CALCR: variants seen among roughly 807,000 people sequenced by gnomAD.
CALCR encodes the protein calcitonin receptor.
CALCR carries 47 observed loss-of-function variants against 59.5 expected under a neutral mutation model. That is an observed-to-expected ratio of 0.79 (90% confidence interval 0.63 to 1.01). CALCR has a LOEUF of 1.01. CALCR is among the 50% of genes least tolerant of loss of function. The probability of loss-of-function intolerance (pLI) is 0.00; values close to 1 mark genes in which losing one functional copy is unlikely to be tolerated. For synonymous variants in CALCR, 213 were observed against 211.3 expected (o/e 1.01, Z -0.07); for missense variants, 566 against 597.1 (o/e 0.95, Z 0.54).
chr7:93,445,502 T>C (rs185990841), intron 8 of CALCR, among the ~76,000 whole-genome samples: 8 of 152,062 alleles, frequency 5.3e-5, no homozygotes, highest in Non-Finnish European at 8.8e-5. Context: ...TCCAGTTTTA[T>C]ATACAGTTAA....
At chr7:93,454,916 TTGTGTGTGTGTGTGTGTG>T (rs4015273) in intron 8 of CALCR, among the ~76,000 whole-genome samples, 1 of 144,916 alleles carries the variant, frequency 6.9e-6, no homozygotes, top group Non-Finnish European at 1.5e-5. Flanking sequence ...ACAGGGCATT[TTGTGTGTGTGTGTGTGTG>T]TGTGTGTGTG....
intron 2 of CALCR, among the ~76,000 whole-genome samples, chr7:93,530,212 A>C (rs989264465): frequency 4.6e-5 from 7 of 152,298 alleles, no homozygotes; most frequent in African/African-American, 1.7e-4. Flanking sequence ...ATCATCACAG[A>C]AAGTCAGTGT....
At chr7:93,573,576 T>C (rs1790052097) in intron 2 of CALCR, among the ~76,000 whole-genome samples, 1 of 152,200 alleles carries the variant, frequency 6.6e-6, no homozygotes, top group Non-Finnish European at 1.5e-5. Flanking sequence ...ATAAAGTCTG[T>C]ATGATAGTTT....
chr7:93,531,648 A>G (rs893214662), intron 2 of CALCR, among the ~76,000 whole-genome samples: 1 of 152,128 alleles, frequency 6.6e-6, no homozygotes, highest in Admixed American at 6.6e-5. Flanking sequence ...TTATATTTAC[A>G]TTCTCTAACC....
chr7:93,427,320 C>G (rs1393032953), intron 13 of CALCR, among the ~76,000 whole-genome samples: 2 of 152,210 alleles, frequency 1.3e-5, no homozygotes, highest in Non-Finnish European at 2.9e-5. Context: ...TTGTCTAGCT[C>G]TGCTTTTTAT....
chr7:93,453,778 G>A (rs940774222), intron 8 of CALCR, among the ~76,000 whole-genome samples: 1 of 151,690 alleles, frequency 6.6e-6, no homozygotes, highest in Non-Finnish European at 1.5e-5. Flanking sequence ...ATCCACTTTA[G>A]GAAGAGATTC....
chr7:93,523,195 AT>A (rs1285861428), intron 2 of CALCR, among the ~76,000 whole-genome samples: 4 of 152,044 alleles, frequency 2.6e-5, no homozygotes, highest in African/African-American at 9.7e-5. Context: ...ATTGCTTTGA[AT>A]TTTCTCTCCA....
chr7:93,574,037 A>C (rs1288002661), intron 2 of CALCR, among the ~76,000 whole-genome samples: 3 of 152,258 alleles, frequency 2.0e-5, no homozygotes, highest in Non-Finnish European at 2.9e-5. Flanking sequence ...AAAAGTCACA[A>C]GAAATCAAAC....
intron 13 of CALCR, among the ~76,000 whole-genome samples, chr7:93,430,567 C>T (rs2283002): frequency 0.23 from 34,661 of 152,072 alleles, 4,215 homozygotes; most frequent in East Asian, 0.39. Flanking sequence ...TGAAAACATT[C>T]AGCCATTGTA....
chr7:93,442,936 T>C (rs1799939153), intron 9 of CALCR, among the ~76,000 whole-genome samples: 1 of 152,156 alleles, frequency 6.6e-6, no homozygotes, highest in South Asian at 2.1e-4. Context: ...GGAGCTGGAC[T>C]TTCAGCAGCC....
chr7:93,571,425 C>G (rs996380359), intron 2 of CALCR, among the ~76,000 whole-genome samples: 11 of 151,784 alleles, frequency 7.2e-5, no homozygotes, highest in Non-Finnish European at 2.9e-5. Flanking sequence ...ATAGAACTTA[C>G]CATGTACCAG....
intron 3 of CALCR, among the ~76,000 whole-genome samples, chr7:93,483,359 A>T (rs1216007209): frequency 1.3e-5 from 2 of 151,422 alleles, no homozygotes; most frequent in African/African-American, 4.8e-5. Context: ...TCTATCCAAG[A>T]TTGGTTCAAT....
chr7:93,484,099 C>T, intron 3 of CALCR: 1 of 433,682 alleles, frequency 2.3e-6, no homozygotes, highest in South Asian at 1.7e-5. Flanking sequence ...ACATGTCAGG[C>T]ACTCTTCTAG....
intron 2 of CALCR, among the ~76,000 whole-genome samples, chr7:93,525,109 A>T (rs1424672743): frequency 6.6e-6 from 1 of 151,758 alleles, no homozygotes; most frequent in East Asian, 1.9e-4. Flanking sequence ...GAGGCTTAAA[A>T]TTTTTTCTTT....
chr7:93,426,181 C>T lies in CALCR; in HGVS notation c.*175G>A. The T allele has an allele frequency of 1.8e-6, 1 of 562,544 alleles. No homozygotes were observed. Among genetic ancestry groups the T allele is most frequent in the Non-Finnish European group, 3.1e-6 (1 of 317,660 alleles). 34.8% of individuals were successfully genotyped at this position (562,544 alleles called of 1,614,324 possible). On this transcript the variant is annotated 3_prime_UTR_variant, in exon 14 of 14. Transcript: ENST00000426151. The stretch of plus-strand genomic sequence containing the variant: ...GGAGACTCCATTCCTAGACTGTCTC[C>T]CAAAGCAACAGTACCAAGAATAACT...
chr7:93,461,981 T>C (rs1018432633), intron 7 of CALCR: 51 of 814,676 alleles, frequency 6.3e-5, no homozygotes, highest in Non-Finnish European at 9.4e-5. Context: ...AATATCTTCA[T>C]GGAATAAAGT....
intron 2 of CALCR, among the ~76,000 whole-genome samples, chr7:93,540,327 T>C (rs1789098898): frequency 6.6e-6 from 1 of 152,190 alleles, no homozygotes; most frequent in Non-Finnish European, 1.5e-5. Context: ...TTGAATACAG[T>C]CACTCTGTTT....
intron 2 of CALCR, among the ~76,000 whole-genome samples, chr7:93,565,018 C>T (rs1434860555): frequency 6.6e-6 from 1 of 152,106 alleles, no homozygotes; most frequent in Non-Finnish European, 1.5e-5. Flanking sequence ...ACAAGTTCTG[C>T]CTCTTATACA....
intron 2 of CALCR, among the ~76,000 whole-genome samples, chr7:93,521,894 T>C (rs543455384): frequency 6.6e-6 from 1 of 152,306 alleles, no homozygotes; most frequent in South Asian, 2.1e-4. Flanking sequence ...ACTTTTGTTA[T>C]GTGGTCAAGC....
Sources: allele counts gnomAD v4.1 joint callset (sites outside exome capture counted in the v4.1 genomes callset), GRCh38; gene constraint gnomAD v4.1.1; transcripts MANE v1.5; gene names NCBI Gene and HGNC (gene_info 2026-07-23, HGNC 2026-07-21).